GRIK3: variants seen among roughly 807,000 people sequenced by gnomAD.
GRIK3 encodes the protein glutamate ionotropic receptor kainate type subunit 3.
Under a neutral mutation model 102.5 loss-of-function variants are expected in GRIK3, and 29 were observed. That is an observed-to-expected ratio of 0.28 (90% CI 0.21 to 0.39). The LOEUF is 0.39. Among genes scored for constraint, GRIK3 ranks in the 10% least tolerant of loss-of-function variants. The pLI, the probability that GRIK3 is intolerant of heterozygous loss-of-function variation, is 1.00. For synonymous variants in GRIK3, 511 were observed against 504.9 expected (o/e 1.01, Z -0.16); for missense variants, 908 against 1,252.4 (o/e 0.73, Z 4.15).
intron 10 of GRIK3, among the ~76,000 whole-genome samples, chr1:36,832,900 G>T (rs1640325255): frequency 6.6e-6 from 1 of 152,214 alleles, no homozygotes; most frequent in Non-Finnish European, 1.5e-5. Flanking sequence ...GGAAGGCAGT[G>T]GGCCCCCCTG....
At chr1:37,027,728 A>G (rs929530612) in intron 1 of GRIK3, among the ~76,000 whole-genome samples, 9 of 152,196 alleles carry the variant, frequency 5.9e-5, no homozygotes, top group African/African-American at 2.2e-4. Context: ...CCTTCTGACC[A>G]TGCCTGTCTC....
intron 7 of GRIK3, among the ~76,000 whole-genome samples, chr1:36,857,993 T>C (rs183230424): frequency 1.3e-5 from 2 of 152,266 alleles, no homozygotes; most frequent in East Asian, 1.9e-4. Context: ...AATAAATGAG[T>C]GTGCTCCTAA....
intron 15 of GRIK3, among the ~76,000 whole-genome samples, chr1:36,802,591 G>T (rs1642454041): frequency 6.6e-6 from 1 of 152,158 alleles, no homozygotes; most frequent in Non-Finnish European, 1.5e-5. Flanking sequence ...TGGGAGGCAG[G>T]TCCCTCTAGG....
At chr1:36,919,338 A>AATTTTATTTTATTTTATTTTATTTT (rs59601847) in intron 1 of GRIK3, among the ~76,000 whole-genome samples, 27 of 143,672 alleles carry the variant, frequency 1.9e-4, no homozygotes, top group African/African-American at 6.4e-4. Flanking sequence ...GCTTTTTTAA[A>AATTTTATTTTATTTTATTTTATTTT]ATTTTATTTT....
Position 36,861,958 on chromosome 1 carries a change from C to T in GRIK3, c.787-1941G>A, listed in dbSNP as rs1030369750. 5.9e-5 allele frequency among the ~76,000 whole-genome samples: 9 copies of T among 152,188 alleles called. No homozygotes were observed. The East Asian group carries it at 1.5e-3, about 26-fold the overall frequency. Reference sequence around the variant, plus strand: ...GTAGGGAGTGGGGGGTGGCAGTGCTCAGCCCTGCACAAGGACTCCATGGCT... The same window carrying T: ...GTAGGGAGTGGGGGGTGGCAGTGCTTAGCCCTGCACAAGGACTCCATGGCT... On this transcript the variant is annotated intron_variant, in intron 5 of 15. Coordinates refer to ENST00000373091, the MANE Select transcript of GRIK3 (RefSeq NM_000831.4).
intron 1 of GRIK3, among the ~76,000 whole-genome samples, chr1:36,992,323 G>C (rs1642371478): frequency 6.6e-6 from 1 of 152,178 alleles, no homozygotes; most frequent in South Asian, 2.1e-4. Flanking sequence ...GCTGGAGAGG[G>C]AGGTGTGGGT....
At chr1:36,953,876 C>T (rs1280086830) in intron 1 of GRIK3, among the ~76,000 whole-genome samples, 1 of 152,090 alleles carries the variant, frequency 6.6e-6, no homozygotes, top group Non-Finnish European at 1.5e-5. Flanking sequence ...ACAGAGGGGG[C>T]CCTCAAATCA....
intron 1 of GRIK3, among the ~76,000 whole-genome samples, chr1:36,902,854 A>T (rs1641246745): frequency 6.6e-6 from 1 of 152,048 alleles, no homozygotes; most frequent in Non-Finnish European, 1.5e-5. Flanking sequence ...CAGTGGTACA[A>T]CCTTGGCTCA....
Position 36,841,363 on chromosome 1 carries a change from G to T in GRIK3, c.1530+373C>A, listed in dbSNP as rs190474754. 3.3e-5 allele frequency among the ~76,000 whole-genome samples: 5 copies of T among 152,308 alleles called. No homozygotes were observed. In the South Asian group the frequency reaches 6.2e-4, roughly 19 times the overall value. On this transcript the variant is annotated intron_variant, in intron 10 of 15. Coordinates refer to ENST00000373091, the MANE Select transcript of GRIK3 (RefSeq NM_000831.4). ...GAATTTGGTGAAGTGTCTCATGTGG[G>T]TGCCTTGCCCCATAGCTGGGGCATC...
chr1:36,993,232 G>C (rs991893275), intron 1 of GRIK3, among the ~76,000 whole-genome samples: 2 of 152,278 alleles, frequency 1.3e-5, no homozygotes, highest in Non-Finnish European at 2.9e-5. Flanking sequence ...GGCTGGGCCT[G>C]AGAGTACCAC....
chr1:36,963,400 T>C (rs951049819), intron 1 of GRIK3, among the ~76,000 whole-genome samples: 1 of 152,182 alleles, frequency 6.6e-6, no homozygotes, highest in Non-Finnish European at 1.5e-5. Flanking sequence ...CCCAGTGATT[T>C]CCTGCATGCC....
intron 1 of GRIK3, among the ~76,000 whole-genome samples, chr1:36,986,432 A>ATCCG (rs1642306163): frequency 7.0e-6 from 1 of 143,626 alleles, no homozygotes; most frequent in Non-Finnish European, 1.5e-5. Context: ...CCATCCATCC[A>ATCCG]TCCATCCATC....
chr1:36,888,939 G>T (rs1016217386), intron 2 of GRIK3, among the ~76,000 whole-genome samples: 1 of 152,044 alleles, frequency 6.6e-6, no homozygotes, highest in African/African-American at 2.4e-5. Flanking sequence ...TGCAGGGATC[G>T]TAAGGAACAA....
chr1:36,935,910 C>T (rs563839142), intron 1 of GRIK3, among the ~76,000 whole-genome samples: 12 of 152,210 alleles, frequency 7.9e-5, no homozygotes, highest in Admixed American at 5.9e-4. Context: ...GCCGCCCCGA[C>T]TCCCTCAGAT....
chr1:36,843,172 A>G (rs946142927), intron 9 of GRIK3, among the ~76,000 whole-genome samples: 3 of 152,222 alleles, frequency 2.0e-5, no homozygotes, highest in African/African-American at 7.2e-5. Context: ...CACTTCATCC[A>G]GTCGAGATAT....
chr1:36,897,116 C>G (rs1641180826), intron 1 of GRIK3, among the ~76,000 whole-genome samples: 1 of 152,172 alleles, frequency 6.6e-6, no homozygotes, highest in Admixed American at 6.5e-5. Context: ...TTCACCACTT[C>G]TATTAAACAT....
chr1:36,942,007 G>A (rs757184613), intron 1 of GRIK3, among the ~76,000 whole-genome samples: 6 of 152,182 alleles, frequency 3.9e-5, no homozygotes, highest in Non-Finnish European at 8.8e-5. Context: ...AAATTCATCT[G>A]TTTATTCAAT....
rs529332741 is a variant in GRIK3 at position 36,867,203 on chromosome 1, T to C, written c.786+2545A>G. Reference sequence around the variant, plus strand: ...GCACACCACAGCTACCCTGGGTACATCATATCCCAGTTGACCATCCATTCC... The same window carrying C: ...GCACACCACAGCTACCCTGGGTACACCATATCCCAGTTGACCATCCATTCC... On this transcript the variant is annotated intron_variant, in intron 5 of 15. Transcript: ENST00000373091. Among the ~76,000 whole-genome samples the C allele has an allele frequency of 3.9e-5, 6 of 152,318 alleles. No homozygotes were observed. The East Asian group carries it at 1.2e-3, about 29-fold the overall frequency.
At chr1:36,889,376 T>C (rs1641077263) in intron 2 of GRIK3, among the ~76,000 whole-genome samples, 2 of 151,784 alleles carry the variant, frequency 1.3e-5, no homozygotes, top group African/African-American at 4.8e-5. Flanking sequence ...CAGGTTTGGC[T>C]AGAACCCAGG....
Sources: allele counts gnomAD v4.1 joint callset (sites outside exome capture counted in the v4.1 genomes callset), GRCh38; gene constraint gnomAD v4.1.1; transcripts MANE v1.5; gene names NCBI Gene and HGNC (gene_info 2026-07-23, HGNC 2026-07-21).